Variants in NEDD4L observed in about 807,000 individuals in gnomAD.
NEDD4L encodes E3 ubiquitin-protein ligase NEDD4-like.
NEDD4L carries 54 observed loss-of-function variants against 148.9 expected under a neutral mutation model. The ratio of observed to expected loss-of-function variants is 0.36; its 90% CI spans 0.29 to 0.45. NEDD4L has a LOEUF of 0.45. Among genes scored for constraint, NEDD4L ranks in the 20% least tolerant of loss-of-function variants. NEDD4L has a pLI of 1.00. For missense variants in NEDD4L, 856 were observed against 1,233.8 expected (o/e 0.69, Z 4.59); for synonymous variants, 433 against 440.7 (o/e 0.98, Z 0.22).
chr18:58,379,867 C>T (rs1213322795), intron 24 of NEDD4L, among the ~76,000 whole-genome samples: 1 of 151,950 alleles, frequency 6.6e-6, no homozygotes, highest in African/African-American at 2.4e-5. Context: ...GATCTGGGGG[C>T]GTGACCCCTA....
chr18:58,142,226 T>G (rs562875964), intron 1 of NEDD4L, among the ~76,000 whole-genome samples: 62 of 151,006 alleles, frequency 4.1e-4, no homozygotes, highest in African/African-American at 1.4e-3. Context: ...TTTTTTTTAT[T>G]TTTTGTAGAG....
At chr18:58,305,191 C>G (rs899468938) in intron 5 of NEDD4L, among the ~76,000 whole-genome samples, 13 of 152,296 alleles carry the variant, frequency 8.5e-5, no homozygotes, top group African/African-American at 3.1e-4. Flanking sequence ...AGGAGGGGAA[C>G]CTATCATATA....
chr18:58,155,158 G>T (rs977350773), intron 1 of NEDD4L, among the ~76,000 whole-genome samples: 1 of 151,688 alleles, frequency 6.6e-6, no homozygotes, highest in African/African-American at 2.4e-5. Flanking sequence ...TCCTTTCAAA[G>T]TGTTCTGTTG....
chr18:58,088,966 A>G (rs946247521), intron 1 of NEDD4L, among the ~76,000 whole-genome samples: 5 of 152,122 alleles, frequency 3.3e-5, no homozygotes, highest in Non-Finnish European at 7.4e-5. Flanking sequence ...TGCCCCAGAT[A>G]TGGCACTGGA....
intron 1 of NEDD4L, among the ~76,000 whole-genome samples, chr18:58,078,747 A>G (rs2083293707): frequency 6.6e-6 from 1 of 152,184 alleles, no homozygotes; most frequent in African/African-American, 2.4e-5. Flanking sequence ...CCAGTAGGTG[A>G]CAGGATTTGC....
At chr18:58,313,449 C>G (rs1030958160) in intron 5 of NEDD4L, among the ~76,000 whole-genome samples, 4 of 152,212 alleles carry the variant, frequency 2.6e-5, no homozygotes, top group African/African-American at 9.6e-5. Context: ...GAAGTCTCAT[C>G]AGACTGTGCC....
chr18:58,147,604 A>T (rs181722618), intron 1 of NEDD4L, among the ~76,000 whole-genome samples: 107 of 152,304 alleles, frequency 7.0e-4, no homozygotes, highest in Non-Finnish European at 6.5e-4. Flanking sequence ...TTTTGCATAA[A>T]CATCAGCTAA....
At chr18:58,305,334 A>G (rs1005123150) in intron 5 of NEDD4L, among the ~76,000 whole-genome samples, 7 of 152,218 alleles carry the variant, frequency 4.6e-5, no homozygotes, top group Non-Finnish European at 8.8e-5. Context: ...CTGGCCAAAA[A>G]TTAGAATAAG....
chr18:58,372,037 T>A (rs1219848255), intron 23 of NEDD4L: 1 of 152,180 alleles, frequency 6.6e-6, no homozygotes, highest in Admixed American at 6.5e-5. Flanking sequence ...TTGCTGACAT[T>A]AACCTGGAGA....
At chr18:58,254,874 G>C (rs2048329011) in intron 5 of NEDD4L, among the ~76,000 whole-genome samples, 1 of 152,182 alleles carries the variant, frequency 6.6e-6, no homozygotes, top group African/African-American at 2.4e-5. Context: ...TGTAGATCCT[G>C]CTCTAATTAT....
rs76332890 is a variant in NEDD4L, at chr18:58,158,837, C to T, written c.49-6951C>T. ...CCTGGGTCTTTGTTCTCACCACTCA[C>T]ATCTTACGCCTCTGTTCCACCGCTG... On this transcript the variant is annotated intron_variant, in intron 1 of 30. Coordinates refer to ENST00000400345, the MANE Select transcript of NEDD4L (RefSeq NM_001144967.3). Among the ~76,000 whole-genome samples the T allele has an allele frequency of 3.3e-5, 5 of 152,280 alleles. No individual in the cohort carries two copies. The East Asian group carries it at 9.7e-4, about 29-fold the overall frequency.
intron 26 of NEDD4L, among the ~76,000 whole-genome samples, chr18:58,386,662 A>T (rs542034679): frequency 1.3e-5 from 2 of 152,304 alleles, no homozygotes; most frequent in South Asian, 2.1e-4. Flanking sequence ...TACCTCAAAG[A>T]TCACACAGGA....
At chr18:58,212,547 ACCGGGTCCCTC>A (rs2042699294) in intron 2 of NEDD4L, among the ~76,000 whole-genome samples, 1 of 152,164 alleles carries the variant, frequency 6.6e-6, no homozygotes, top group African/African-American at 2.4e-5. Context: ...GTTACCTCCC[ACCGGGTCCCTC>A]CCGTGACACG....
intron 2 of NEDD4L, among the ~76,000 whole-genome samples, chr18:58,177,486 G>C (rs579709): frequency 6.6e-6 from 1 of 152,216 alleles, no homozygotes; most frequent in East Asian, 1.9e-4. Flanking sequence ...GGCTGCCGGC[G>C]TCCCCACCCC....
intron 19 of NEDD4L, chr18:58,357,508 T>C (rs1273842359): frequency 1.6e-6 from 1 of 643,266 alleles, no homozygotes; most frequent in African/African-American, 1.8e-5. Flanking sequence ...TTCTTCTCCT[T>C]TATAAAAGGG....
intron 5 of NEDD4L, among the ~76,000 whole-genome samples, chr18:58,310,577 G>C (rs2057569676): frequency 6.6e-6 from 1 of 152,218 alleles, no homozygotes; most frequent in African/African-American, 2.4e-5. Context: ...GCACCACCCA[G>C]GTGCAGAAAC....
intron 11 of NEDD4L, among the ~76,000 whole-genome samples, chr18:58,331,284 C>A (rs1239361229): frequency 6.6e-6 from 1 of 152,186 alleles, no homozygotes; most frequent in Admixed American, 6.5e-5. Context: ...GGTAGTATTT[C>A]ACAGTAACAA....
intron 18 of NEDD4L, among the ~76,000 whole-genome samples, chr18:58,355,121 A>C (rs4940385): frequency 0.51 from 77,491 of 151,934 alleles, 20,965 homozygotes; most frequent in African/African-American, 0.71. Context: ...CGAAATCGTT[A>C]TTTAGAGAGA....
At chr18:58,155,238 C>T (rs574550121) in intron 1 of NEDD4L, among the ~76,000 whole-genome samples, 2 of 150,112 alleles carry the variant, frequency 1.3e-5, no homozygotes, top group African/African-American at 4.9e-5. Flanking sequence ...CAGTACCCAC[C>T]CACATAGTAA....
Sources: allele counts gnomAD v4.1 joint callset (sites outside exome capture counted in the v4.1 genomes callset), GRCh38; gene constraint gnomAD v4.1.1; transcripts MANE v1.5; gene names NCBI Gene and HGNC (gene_info 2026-07-23, HGNC 2026-07-21).